The following DOCK2 variants were observed in gnomAD, a reference collection of about 807,000 sequenced individuals.
The protein encoded by DOCK2 is dedicator of cytokinesis 2, also known as dedicator of cytokinesis protein 2.
Under a neutral mutation model 248.9 loss-of-function variants are expected in DOCK2, and 87 were observed. The ratio of observed to expected loss-of-function variants is 0.35; its 90% CI spans 0.29 to 0.42. DOCK2 has a LOEUF of 0.42. Ranked by LOEUF, DOCK2 falls within the 10% of genes least tolerant of loss-of-function variation. The pLI, the probability that DOCK2 is intolerant of heterozygous loss-of-function variation, is 1.00. For missense variants in DOCK2, 1,747 were observed against 2,300.2 expected, an observed-to-expected ratio of 0.76 and a Z score of 4.92; for synonymous variants, 805 against 821.6, an observed-to-expected ratio of 0.98 and a Z score of 0.35.
intron 42 of DOCK2, among the ~76,000 whole-genome samples, 195 bp downstream of exon 42, chr5:170,055,581 C>A (rs1463032952): frequency 6.6e-6 from 1 of 152,236 alleles, no homozygotes; most frequent in African/African-American, 2.4e-5. Context: ...AGGCTGAAGC[C>A]AGGAAGGATG....
At chr5:169,926,015 C>G (rs1481618596) in intron 27 of DOCK2, among the ~76,000 whole-genome samples, 2 of 152,108 alleles carry the variant, frequency 1.3e-5, no homozygotes, top group Non-Finnish European at 2.9e-5. Flanking sequence ...CATTCCATGG[C>G]AGGATGTCGT....
intron 34 of DOCK2, 86 bp downstream of exon 34, chr5:170,028,034 C>A: frequency 8.1e-7 from 1 of 1,236,682 alleles, no homozygotes; most frequent in Non-Finnish European, 1.1e-6. Context: ...CTCCGAGTGG[C>A]TCTGTCCTCC....
intron 22 of DOCK2, among the ~76,000 whole-genome samples, chr5:169,746,497 A>G (rs1763622438): frequency 6.6e-6 from 1 of 152,154 alleles, no homozygotes; most frequent in Non-Finnish European, 1.5e-5. Flanking sequence ...GGGCTGTGAC[A>G]GGAGAGACTC....
chr5:169,873,655 T>C (rs1335462096), intron 27 of DOCK2, among the ~76,000 whole-genome samples: 1 of 152,222 alleles, frequency 6.6e-6, no homozygotes, highest in Non-Finnish European at 1.5e-5. Context: ...CTAAACAATT[T>C]AAGTGAAAAG....
chr5:169,752,939 C>T (rs1335562899), intron 23 of DOCK2, among the ~76,000 whole-genome samples: 2 of 152,032 alleles, frequency 1.3e-5, no homozygotes, highest in Non-Finnish European at 2.9e-5. Context: ...GTGGCGGGTG[C>T]CTGTAATCCC....
rs370567618 is a variant in DOCK2 at position 170,039,496 on chromosome 5, C to T, written c.3666-1559C>T. On this transcript the variant is annotated intron_variant, in intron 36 of 51. Transcript: ENST00000520908. ...TAAGGCCTGTTATAGCCTGGATGCC[C>T]GGTACAGCTTTGCTGAATGAATAAG... 2.8e-3 allele frequency among the ~76,000 whole-genome samples: 423 copies of T among 152,296 alleles called. 7 individuals are homozygous for T. In the South Asian group the frequency reaches 0.036, roughly 13 times the overall value.
intron 40 of DOCK2, among the ~76,000 whole-genome samples, chr5:170,048,291 T>C (rs1383131999): frequency 2.0e-5 from 3 of 152,048 alleles, no homozygotes; most frequent in Non-Finnish European, 1.5e-5. Flanking sequence ...ATTTGGGGCC[T>C]GAGACAGGAG....
intron 27 of DOCK2, among the ~76,000 whole-genome samples, chr5:169,981,259 A>G (rs181200726): frequency 8.1e-4 from 124 of 152,350 alleles, no homozygotes; most frequent in African/African-American, 2.8e-3. Flanking sequence ...CTTAAGAAAC[A>G]GTTTTCCAAA....
chr5:169,653,130 T>C (rs1231929166), intron 1 of DOCK2, among the ~76,000 whole-genome samples: 1 of 152,190 alleles, frequency 6.6e-6, no homozygotes, highest in African/African-American at 2.4e-5. Context: ...GCAAGGAGTG[T>C]TGTGAGAATT....
chr5:170,054,699 G>T (rs1370133574), intron 41 of DOCK2, among the ~76,000 whole-genome samples: 2 of 152,212 alleles, frequency 1.3e-5, no homozygotes, highest in African/African-American at 4.8e-5. Flanking sequence ...TACAGATCCG[G>T]ACTCAGTTGG....
At chr5:170,034,769 A>G (rs1193553759) in intron 35 of DOCK2, among the ~76,000 whole-genome samples, 1 of 152,182 alleles carries the variant, frequency 6.6e-6, no homozygotes, top group Non-Finnish European at 1.5e-5. Context: ...TATTTATAAC[A>G]TGAGATTAAT....
chr5:169,990,035 G>T (rs1223195470), intron 29 of DOCK2, among the ~76,000 whole-genome samples: 1 of 151,534 alleles, frequency 6.6e-6, no homozygotes, highest in African/African-American at 2.4e-5. Flanking sequence ...TTCGTTTTTG[G>T]GGTCCCCACC....
intron 15 of DOCK2, among the ~76,000 whole-genome samples, chr5:169,710,372 G>A (rs979086730): frequency 5.9e-5 from 9 of 152,296 alleles, no homozygotes; most frequent in African/African-American, 2.2e-4. Context: ...AGTTCATCAA[G>A]CTGCACCATT....
chr5:169,650,534 A>G (rs1023287389), intron 1 of DOCK2, among the ~76,000 whole-genome samples: 3 of 152,212 alleles, frequency 2.0e-5, no homozygotes, highest in Non-Finnish European at 2.9e-5. Context: ...AGCTCCCTCT[A>G]TTTGAACTCC....
chr5:170,083,111 G>A lies in DOCK2; in HGVS notation c.*253G>A, dbSNP rs1022805375. Reference sequence around the variant, plus strand: ...CTGAACTCAAGGTACCAGCAAGAATGCCTTCTCCCAGTGTGCTCTCCCCAA... The same window carrying A: ...CTGAACTCAAGGTACCAGCAAGAATACCTTCTCCCAGTGTGCTCTCCCCAA... On this transcript the variant is annotated 3_prime_UTR_variant, in exon 52 of 52. Coordinates refer to ENST00000520908, the MANE Select transcript of DOCK2 (RefSeq NM_004946.3). 23 of 500,090 alleles carry A rather than the reference G, an allele frequency of 4.6e-5. No homozygotes were observed. Among genetic ancestry groups the A allele is most frequent in the Admixed American group, 3.4e-5 (1 of 29,390 alleles). The allele number at this position is 500,090 out of a possible 1,614,324, so 31.0% of individuals were successfully genotyped here. A position where few individuals can be genotyped will look rare whatever the true frequency, so the allele number is the denominator to read the frequency against.
At chr5:169,925,155 G>GT (rs1775367661) in intron 27 of DOCK2, among the ~76,000 whole-genome samples, 1 of 152,066 alleles carries the variant, frequency 6.6e-6, no homozygotes, top group Admixed American at 6.5e-5. Flanking sequence ...GTAATACATG[G>GT]TAAAGAGGGG....
chr5:170,047,227 C>A (rs964583803), intron 39 of DOCK2, among the ~76,000 whole-genome samples: 2 of 152,094 alleles, frequency 1.3e-5, no homozygotes, highest in East Asian at 3.9e-4. Flanking sequence ...GGCTGCTTTA[C>A]GAGATACCAT....
chr5:169,657,690 C>A (rs780914225), intron 2 of DOCK2, among the ~76,000 whole-genome samples: 6 of 152,202 alleles, frequency 3.9e-5, no homozygotes, highest in Non-Finnish European at 8.8e-5. Context: ...AATCTTATAT[C>A]CATGTGCTGC....
chr5:169,954,200 G>C (rs141762166), intron 27 of DOCK2, among the ~76,000 whole-genome samples: 3 of 152,322 alleles, frequency 2.0e-5, no homozygotes, highest in African/African-American at 7.2e-5. Context: ...TTTTAGAAGT[G>C]TTTGGCTGTG....
Sources: allele counts gnomAD v4.1 joint callset (sites outside exome capture counted in the v4.1 genomes callset), GRCh38; gene constraint gnomAD v4.1.1; transcripts MANE v1.5; gene names NCBI Gene and HGNC (gene_info 2026-07-23, HGNC 2026-07-21).